Variants in QRICH1 observed in about 807,000 individuals in gnomAD.
QRICH1 encodes the protein glutamine rich 1.
QRICH1 carries 16 observed loss-of-function variants against 87.1 expected under a neutral mutation model. That is an observed-to-expected ratio of 0.18 (90% CI 0.12 to 0.28). The LOEUF (loss-of-function observed/expected upper bound fraction) is 0.28, where lower values mean the gene tolerates loss of function less well. Among genes scored for constraint, QRICH1 ranks in the 10% least tolerant of loss-of-function variants. QRICH1 has a pLI of 1.00. For synonymous variants in QRICH1, 367 were observed against 368.4 expected (o/e 1.00, Z 0.05); for missense variants, 647 against 951.7 (o/e 0.68, Z 4.21).
At chr3:49,089,770 AACTAGGTTAAGGGCT>A (rs1345181285) in intron 1 of QRICH1, among the ~76,000 whole-genome samples, 3 of 152,214 alleles carry the variant, frequency 2.0e-5, no homozygotes, top group Non-Finnish European at 4.4e-5. Context: ...AACAAATCTA[AACTAGGTTAAGGGCT>A]ACGGAGATGG....
intron 3 of QRICH1, among the ~76,000 whole-genome samples, chr3:49,051,039 T>C (rs1433483264): frequency 6.6e-6 from 1 of 152,214 alleles, no homozygotes; most frequent in African/African-American, 2.4e-5. Context: ...GGCCCAGACA[T>C]TCTTGCCCTT....
Position 49,046,456 on chromosome 3 carries a change from A to G in QRICH1, c.1640T>C (p.Val547Ala). The change falls in exon 5 of 10, where the codon GTG becomes GCG. Residue 547 changes from valine (V) to alanine (A), a missense_variant. Around this residue, in one of 7 missense-constraint regions of QRICH1, gnomAD observed 187 missense variants for 309.5 expected, o/e 0.60. Coordinates refer to ENST00000395443, the MANE Select transcript of QRICH1 (RefSeq NM_198880.3). ...NGEGEPYDPD[V>A]LYYIFLCIQK... ...AATACACAGGAAAATATAGTAGAGC[A>G]CATCTGGGTCATAGGGTTCACCTTC... is the stretch of plus-strand genomic sequence containing the variant. 6.2e-7 allele frequency: 1 copy of G among 1,614,024 alleles called. No homozygotes were observed. The highest frequency in any genetic ancestry group is 1.7e-5 in the Admixed American group (1 of 59,960).
intron 4 of QRICH1, among the ~76,000 whole-genome samples, 164 bp from the exon 5 acceptor site, chr3:49,046,743 GA>G (rs2093341621): frequency 1.3e-5 from 2 of 152,164 alleles, no homozygotes; most frequent in African/African-American, 4.8e-5. Context: ...ATGAGTATAT[GA>G]GCCTAATGCC....
At chr3:49,045,685 A>C (rs527398245) in intron 5 of QRICH1, among the ~76,000 whole-genome samples, 1 of 151,450 alleles carries the variant, frequency 6.6e-6, no homozygotes, top group East Asian at 2.0e-4. Context: ...CTACAGCCCC[A>C]ACCTCTGGGG....
At chr3:49,067,355 CAGG>C (rs1461057615) in intron 2 of QRICH1, among the ~76,000 whole-genome samples, 1 of 151,588 alleles carries the variant, frequency 6.6e-6, no homozygotes, top group African/African-American at 2.4e-5. Flanking sequence ...ATCACAAGGT[CAGG>C]AGATCAAGAC....
At chr3:49,049,773 C>T (rs1022073739) in intron 3 of QRICH1, among the ~76,000 whole-genome samples, 9 of 151,706 alleles carry the variant, frequency 5.9e-5, no homozygotes, top group Admixed American at 3.3e-4. Context: ...GCTGGGATTA[C>T]AGGCGTGAGC....
chr3:49,089,828 A>G (rs2042239869), intron 1 of QRICH1, among the ~76,000 whole-genome samples: 1 of 152,236 alleles, frequency 6.6e-6, no homozygotes, highest in African/African-American at 2.4e-5. Flanking sequence ...GTTATCACAG[A>G]ATAACAGCTG....
intron 2 of QRICH1, among the ~76,000 whole-genome samples, chr3:49,069,431 G>A (rs535919639): frequency 2.0e-5 from 3 of 151,590 alleles, no homozygotes; most frequent in East Asian, 3.9e-4. Flanking sequence ...AAAAAAGGAC[G>A]TTTCCTCCAA....
At position 49,076,881 on chromosome 3, in the gene QRICH1, T is replaced by C; in HGVS notation, c.137A>G (p.Gln46Arg). 6.2e-7 allele frequency: 1 copy of C among 1,614,036 alleles called. No individual in the cohort carries two copies. Among genetic ancestry groups the C allele is most frequent in the South Asian group, 1.1e-5 (1 of 91,056 alleles). Residue 46 changes from glutamine (Q) to arginine (R), a missense_variant, in exon 2 of 10, where the codon CAG becomes CGG. Transcript: ENST00000395443. Reference sequence around the variant, plus strand: ...CACCATGGTAGTGGTGGCTGTCTGCTGGAACTCCTGAAGGGCTTCTGGCCC... The same window carrying C: ...CACCATGGTAGTGGTGGCTGTCTGCCGGAACTCCTGAAGGGCTTCTGGCCC... ...SKGPEALQEF[Q>R]QTATTTMVYQ...
chr3:49,087,956 A>T (rs537253275), intron 1 of QRICH1, among the ~76,000 whole-genome samples: 6 of 137,928 alleles, frequency 4.4e-5, no homozygotes, highest in South Asian at 2.4e-4. Context: ...TATTTCATTT[A>T]TTTTTTTTTT....
chr3:49,058,715 A>G (rs1161593481), intron 2 of QRICH1, among the ~76,000 whole-genome samples: 1 of 150,922 alleles, frequency 6.6e-6, no homozygotes, highest in Non-Finnish European at 1.5e-5. Context: ...TGCAACCTCA[A>G]CCTCCTGGGT....
intron 2 of QRICH1, among the ~76,000 whole-genome samples, chr3:49,063,174 T>C (rs1410023435): frequency 1.3e-5 from 2 of 152,172 alleles, no homozygotes; most frequent in Non-Finnish European, 2.9e-5. Context: ...TAAAATAATA[T>C]TTAGTTACAG....
Position 49,087,956 on chromosome 3 carries a change from AT to A in QRICH1, c.-22+5955del, listed in dbSNP as rs1338742200. On this transcript the variant is annotated intron_variant, in intron 1 of 9. Coordinates refer to ENST00000395443, the MANE Select transcript of QRICH1 (RefSeq NM_198880.3). ...TGAATATATTCATTTTATTTCATTT[AT>A]TTTTTTTTTTTTGAGACAGAGTCTC... Among the ~76,000 whole-genome samples the A allele has an allele frequency of 8.6e-3, 1,179 of 137,848 alleles. 6 individuals are homozygous for A. Among genetic ancestry groups the A allele is most frequent in the Middle Eastern group, 0.023 (6 of 258 alleles). The allele number at this position is 137,848 out of a possible 152,430, so 90.4% of individuals were successfully genotyped here.
chr3:49,034,254 G>A (rs1485690034), intron 6 of QRICH1, among the ~76,000 whole-genome samples: 1 of 151,734 alleles, frequency 6.6e-6, no homozygotes, highest in African/African-American at 2.4e-5. Flanking sequence ...ACCAGCCTGG[G>A]CAACATAGCC....
Position 49,046,425 on chromosome 3 carries a change from C to A in QRICH1, c.1671G>T (p.Lys557Asn). 1 of 1,611,662 alleles carries A rather than the reference C, an allele frequency of 6.2e-7. No individual in the cohort carries two copies. Among genetic ancestry groups the A allele is most frequent in the Non-Finnish European group, 8.5e-7 (1 of 1,179,260 alleles). ...GTTCTTGTGAAGATCTGTTTCCTAC[C>A]TTTTGAATACACAGGAAAATATAGT... Reference protein sequence around the residue: ...VLYYIFLCIQKYLFENGRVDD... With the variant: ...VLYYIFLCIQNYLFENGRVDD... The change falls in exon 5 of 10, where the codon AAG becomes AAT. Residue 557 changes from lysine (K) to asparagine (N), a missense_variant and splice_region_variant. Coordinates refer to ENST00000395443, the MANE Select transcript of QRICH1 (RefSeq NM_198880.3).
chr3:49,086,073 G>C (rs1384046719), intron 1 of QRICH1, among the ~76,000 whole-genome samples: 1 of 151,590 alleles, frequency 6.6e-6, no homozygotes, highest in South Asian at 2.1e-4. Flanking sequence ...ATGCTCTTGG[G>C]GTGTATGAGG....
At chr3:49,074,735 T>C (rs1235118056) in intron 2 of QRICH1, among the ~76,000 whole-genome samples, 3 of 151,754 alleles carry the variant, frequency 2.0e-5, no homozygotes, top group Admixed American at 1.3e-4. Context: ...TCCCAGCACT[T>C]TGGGAGGCCG....
At chr3:49,061,257 G>C (rs2093433099) in intron 2 of QRICH1, among the ~76,000 whole-genome samples, 1 of 150,328 alleles carries the variant, frequency 6.7e-6, no homozygotes, top group Admixed American at 6.7e-5. Flanking sequence ...CACAAAACGA[G>C]TCCCTGGTGC....
At chr3:49,094,079 G>A (rs908089200), upstream of QRICH1, 4 of 398,580 alleles carry the variant, frequency 1.0e-5, no homozygotes, top group African/African-American at 8.2e-5. Flanking sequence ...AATAGGAGCC[G>A]ATTGCTCCTC....
Sources: gnomAD v4.1 joint callset for allele counts (sites outside exome capture counted in the v4.1 genomes callset) on GRCh38, gnomAD v4.1.1 for gene constraint, gnomAD v4.1.1 regional missense constraint, MANE v1.5 for transcripts, NCBI Gene and HGNC (gene_info 2026-07-23, HGNC 2026-07-21) for gene names.